Variants in PRKN observed in about 807,000 individuals in gnomAD.
PRKN encodes the protein E3 ubiquitin-protein ligase parkin.
Under a neutral mutation model 59.5 loss-of-function variants are expected in PRKN, and 56 were observed. The observed-to-expected ratio is 0.94, with a 90% CI of 0.76 to 1.18. The LOEUF (loss-of-function observed/expected upper bound fraction) is 1.18, where lower values mean the gene tolerates loss of function less well. Among genes scored for constraint, PRKN ranks in the 50% most tolerant of loss-of-function variants. The pLI, the probability that PRKN is intolerant of heterozygous loss-of-function variation, is 0.00. For synonymous variants in PRKN, 250 were observed against 222.1 expected, an observed-to-expected ratio of 1.13 and a Z score of -1.12; for missense variants, 657 against 596.4, an observed-to-expected ratio of 1.10 and a Z score of -1.06.
chr6:161,367,365 G>A (rs1785251262), intron 10 of PRKN, among the ~76,000 whole-genome samples: 1 of 152,084 alleles, frequency 6.6e-6, no homozygotes, highest in Non-Finnish European at 1.5e-5. Flanking sequence ...CAGTGGGGGT[G>A]GGGTTCACGC....
intron 6 of PRKN, among the ~76,000 whole-genome samples, chr6:161,864,657 A>T (rs1437415079): frequency 6.6e-6 from 1 of 151,326 alleles, no homozygotes; most frequent in Non-Finnish European, 1.5e-5. Flanking sequence ...TTTTTGTTTT[A>T]GTTTGTTTTG....
At chr6:162,667,864 T>C (rs1167476759) in intron 1 of PRKN, among the ~76,000 whole-genome samples, 2 of 152,140 alleles carry the variant, frequency 1.3e-5, no homozygotes, top group South Asian at 2.1e-4. Flanking sequence ...AGGGTTGTTA[T>C]GAAGACTAAA....
chr6:162,098,971 C>T (rs1192501279), intron 4 of PRKN, among the ~76,000 whole-genome samples: 1 of 152,170 alleles, frequency 6.6e-6, no homozygotes, highest in African/African-American at 2.4e-5. Flanking sequence ...TTACACTTGA[C>T]ATTTTCACAC....
intron 6 of PRKN, among the ~76,000 whole-genome samples, chr6:161,859,273 T>C (rs1275376811): frequency 6.6e-6 from 1 of 152,052 alleles, no homozygotes; most frequent in Non-Finnish European, 1.5e-5. Context: ...CGTGTGCTAA[T>C]TGCGTACCTC....
intron 6 of PRKN, among the ~76,000 whole-genome samples, chr6:161,963,287 G>A (rs1780455398): frequency 6.6e-6 from 1 of 152,234 alleles, no homozygotes; most frequent in African/African-American, 2.4e-5. Flanking sequence ...ATATTGCCCT[G>A]CTCTTCCCAG....
At chr6:162,046,128 A>T (rs7771997) in intron 5 of PRKN, among the ~76,000 whole-genome samples, 91,305 of 152,102 alleles carry the variant, frequency 0.6, 28,702 homozygotes, top group East Asian at 0.8. Context: ...TAATTGTGAT[A>T]AAGTGCTTTG....
chr6:162,166,047 C>CAAAAAAAAAAAAAAAAAAAAAAAAAAAAA (rs10557222), intron 4 of PRKN, among the ~76,000 whole-genome samples: 1 of 80,240 alleles, frequency 1.2e-5, no homozygotes, highest in African/African-American at 5.1e-5. Context: ...GACTCTATCT[C>CAAAAAAAAAAAAAAAAAAAAAAAAAAAAA]AAAAAAAAAA....
rs572779628 is a variant in PRKN at position 162,601,164 on chromosome 6, G to A, written c.7+126498C>T. On this transcript the variant is annotated intron_variant, in intron 1 of 11. Transcript: ENST00000366898. ...GGGCACACATGTCAAGAGGGCAAAA[G>A]CATGCGCGTCAGCTTGGGCCTCTCT... Among the ~76,000 whole-genome samples the A allele has an allele frequency of 2.0e-5, 3 of 152,204 alleles. No homozygotes were observed. In the South Asian group the frequency reaches 6.2e-4, roughly 32 times the overall value.
rs1005251143 is a variant in PRKN at position 161,549,421 on chromosome 6, T to C, written c.934-418A>G. Among the ~76,000 whole-genome samples the C allele has an allele frequency of 6.6e-6, 1 of 152,226 alleles. No homozygotes were observed. Among genetic ancestry groups the C allele is most frequent in the Non-Finnish European group, 1.5e-5 (1 of 68,042 alleles). ...ATCAATCTTATAAAGCAATATATTG[T>C]CATGCCTCTATTTAAAATTCAACAA... On this transcript the variant is annotated intron_variant, in intron 8 of 11. Coordinates refer to ENST00000366898, the MANE Select transcript of PRKN (RefSeq NM_004562.3). This position sits in a 1 kb window ranked among gnomAD's most constrained non-coding sequence, Gnocchi z 6.0.
intron 4 of PRKN, among the ~76,000 whole-genome samples, chr6:162,192,673 T>G (rs2128327301): frequency 6.6e-6 from 1 of 151,930 alleles, no homozygotes; most frequent in Admixed American, 6.6e-5. Flanking sequence ...TAGTAGTCAC[T>G]CCTTATAGTA....
chr6:162,602,064 G>A (rs977070849), intron 1 of PRKN, among the ~76,000 whole-genome samples: 1 of 152,204 alleles, frequency 6.6e-6, no homozygotes, highest in Non-Finnish European at 1.5e-5. Flanking sequence ...AATACAGCAG[G>A]CAGTCACATA....
chr6:161,636,394 G>A (rs1392684983), intron 7 of PRKN, among the ~76,000 whole-genome samples: 1 of 152,230 alleles, frequency 6.6e-6, no homozygotes. Flanking sequence ...GTCCATTCCG[G>A]AGACACTGGG....
chr6:161,938,522 A>G (rs1244205777), intron 6 of PRKN, among the ~76,000 whole-genome samples: 1 of 152,256 alleles, frequency 6.6e-6, no homozygotes, highest in East Asian at 1.9e-4. Flanking sequence ...TACCACCACC[A>G]TATAACTAAT....
intron 1 of PRKN, among the ~76,000 whole-genome samples, chr6:162,546,908 T>C (rs1779144699): frequency 6.6e-6 from 1 of 152,214 alleles, no homozygotes; most frequent in African/African-American, 2.4e-5. Context: ...TTCTGACTTT[T>C]TTTCTCACAT....
chr6:162,525,548 T>C (rs1778245821), intron 1 of PRKN, among the ~76,000 whole-genome samples: 1 of 152,198 alleles, frequency 6.6e-6, no homozygotes, highest in Non-Finnish European at 1.5e-5. Flanking sequence ...CCTCCCACAA[T>C]TCCAATTTCC....
chr6:162,278,531 C>A (rs1562635469), intron 2 of PRKN, among the ~76,000 whole-genome samples: 1 of 151,930 alleles, frequency 6.6e-6, no homozygotes, highest in South Asian at 2.1e-4. Context: ...GGTATGGGCA[C>A]ATTTGGGCAG....
intron 10 of PRKN, among the ~76,000 whole-genome samples, chr6:161,384,232 G>A (rs1350264782): frequency 6.6e-6 from 1 of 152,188 alleles, no homozygotes; most frequent in Non-Finnish European, 1.5e-5. Context: ...CATATTACGG[G>A]TGTTTAATGC....
At position 161,395,178 on chromosome 6, in the gene PRKN, A is replaced by G. The variant is rs1161500009; in HGVS notation, c.1084-8301T>C. ...GTTCCAGAAATATGTTCTGCACTCA[A>G]TCATCAATTTATGCTATTTTTAAAC... On this transcript the variant is annotated intron_variant, in intron 9 of 11. Coordinates refer to ENST00000366898, the MANE Select transcript of PRKN (RefSeq NM_004562.3). The surrounding 1 kb of genome is among the most constrained non-coding windows in gnomAD (Gnocchi z 5.0). Among the ~76,000 whole-genome samples, 1 of 152,152 alleles carries G rather than the reference A, an allele frequency of 6.6e-6. No individual in the cohort carries two copies. The highest frequency in any genetic ancestry group is 2.4e-5 in the African/African-American group (1 of 41,424).
At chr6:161,884,293 A>G (rs1338880802) in intron 6 of PRKN, among the ~76,000 whole-genome samples, 1 of 152,188 alleles carries the variant, frequency 6.6e-6, no homozygotes. Context: ...CAACTAATTC[A>G]ACCATTTAAG....
Sources: gnomAD v4.1 joint callset for allele counts (sites outside exome capture counted in the v4.1 genomes callset) on GRCh38, gnomAD v4.1.1 for gene constraint, Gnocchi (gnomAD v3.1) non-coding constraint, MANE v1.5 for transcripts, NCBI Gene and HGNC (gene_info 2026-07-23, HGNC 2026-07-21) for gene names.